Variants in TBC1D22A observed in about 807,000 individuals in gnomAD.
TBC1D22A encodes the protein putative GTPase activator.
TBC1D22A carries 38 observed loss-of-function variants against 60.2 expected under a neutral mutation model. The observed-to-expected ratio is 0.63, with a 90% CI of 0.49 to 0.83. TBC1D22A has a LOEUF of 0.83. Among genes scored for constraint, TBC1D22A ranks in the 40% least tolerant of loss-of-function variants. The pLI is 0.00. For missense variants in TBC1D22A, 628 were observed against 701.0 expected, an observed-to-expected ratio of 0.90 and a Z score of 1.18; for synonymous variants, 302 against 281.7, an observed-to-expected ratio of 1.07 and a Z score of -0.72.
intron 11 of TBC1D22A, among the ~76,000 whole-genome samples, chr22:47,099,872 G>C (rs1021038576): frequency 6.6e-6 from 1 of 152,118 alleles, no homozygotes; most frequent in Admixed American, 6.5e-5. Flanking sequence ...CTGTTTTCTC[G>C]TCTATAGAGA....
chr22:46,955,482 A>G (rs1052851060), intron 8 of TBC1D22A, among the ~76,000 whole-genome samples: 6 of 152,192 alleles, frequency 3.9e-5, no homozygotes, highest in Non-Finnish European at 8.8e-5. Flanking sequence ...AAAACAACCT[A>G]TGCTACTCAC....
At chr22:46,778,476 T>A (rs922571678) in intron 1 of TBC1D22A, among the ~76,000 whole-genome samples, 3 of 152,130 alleles carry the variant, frequency 2.0e-5, no homozygotes, top group African/African-American at 7.2e-5. Flanking sequence ...TTTTCAGCTT[T>A]TTGTTAAAAA....
chr22:47,013,083 T>C (rs1223231192), intron 10 of TBC1D22A, among the ~76,000 whole-genome samples: 1 of 152,228 alleles, frequency 6.6e-6, no homozygotes, highest in East Asian at 1.9e-4. Context: ...GAGCTGGACA[T>C]AGCACTTGCT....
intron 4 of TBC1D22A, among the ~76,000 whole-genome samples, chr22:46,874,789 G>C (rs1056160461): frequency 6.6e-6 from 1 of 151,940 alleles, no homozygotes; most frequent in African/African-American, 2.4e-5. Flanking sequence ...GCCCAGGCTG[G>C]TCTCGAATTC....
chr22:47,148,540 T>C (rs900603279), intron 12 of TBC1D22A, among the ~76,000 whole-genome samples: 3 of 152,092 alleles, frequency 2.0e-5, no homozygotes, highest in East Asian at 1.9e-4. Flanking sequence ...GTCCCCTCCC[T>C]GGAGTCCCTC....
intron 12 of TBC1D22A, among the ~76,000 whole-genome samples, chr22:47,140,377 G>A (rs1489031659): frequency 6.6e-6 from 1 of 151,948 alleles, no homozygotes; most frequent in African/African-American, 2.4e-5. Flanking sequence ...CGAGACCACA[G>A]TGAAACCCCG....
chr22:47,150,184 G>T (rs924266758), intron 12 of TBC1D22A, among the ~76,000 whole-genome samples: 1 of 152,140 alleles, frequency 6.6e-6, no homozygotes, highest in African/African-American at 2.4e-5. Context: ...CACTGTAAAC[G>T]CCCCTGAGAT....
Position 47,029,797 on chromosome 22 carries a change from G to A in TBC1D22A, c.1202-7274G>A, listed in dbSNP as rs78638302. Among the ~76,000 whole-genome samples the A allele has an allele frequency of 3.7e-4, 56 of 152,352 alleles. 1 individual carries two copies. Among genetic ancestry groups the A allele is most frequent in the East Asian group, 3.1e-3 (16 of 5,178 alleles). On this transcript the variant is annotated intron_variant, in intron 10 of 12. Transcript: ENST00000337137. ...TCTCCTGTTCCCTTCCAGCTCAGGC[G>A]CGCTGTCCCATCGGAGGCCTTGGTG...
In TBC1D22A at chr22:46,992,098, G is replaced by A. The variant is rs142048169; in HGVS notation, c.1126-5536G>A. 2.4e-3 allele frequency among the ~76,000 whole-genome samples: 366 copies of A among 152,346 alleles called. 1 individual carries two copies. Among genetic ancestry groups the A allele is most frequent in the African/African-American group, 8.3e-3 (347 of 41,580 alleles). On this transcript the variant is annotated intron_variant, in intron 9 of 12. Transcript: ENST00000337137. ...GTGAACAGAAGGGTCCTGTCTGCCT[G>A]TCCACTTTTCTCCCTGTCTGTGTCA...
intron 12 of TBC1D22A, among the ~76,000 whole-genome samples, chr22:47,113,783 C>T (rs114060989): frequency 6.6e-6 from 1 of 152,162 alleles, no homozygotes. Flanking sequence ...GCAGAAGTGT[C>T]ACTCCGGCCC....
At chr22:46,858,435 G>A (rs568011635) in intron 4 of TBC1D22A, among the ~76,000 whole-genome samples, 2 of 147,860 alleles carry the variant, frequency 1.4e-5, no homozygotes, top group Admixed American at 6.8e-5. Context: ...GCCCTGTGCC[G>A]GCAGGCTTTG....
intron 11 of TBC1D22A, among the ~76,000 whole-genome samples, chr22:47,104,405 C>A (rs1001522873): frequency 2.0e-5 from 3 of 151,612 alleles, no homozygotes; most frequent in African/African-American, 7.3e-5. Flanking sequence ...TTTAAAGATT[C>A]AATAGATGGC....
At chr22:46,877,116 C>A (rs1382432927) in intron 4 of TBC1D22A, among the ~76,000 whole-genome samples, 2 of 152,220 alleles carry the variant, frequency 1.3e-5, no homozygotes, top group Admixed American at 6.5e-5. Context: ...AGTGGACAGA[C>A]CCTGGTATTG....
chr22:47,135,436 A>G (rs991248076), intron 12 of TBC1D22A, among the ~76,000 whole-genome samples: 1 of 152,220 alleles, frequency 6.6e-6, no homozygotes, highest in East Asian at 1.9e-4. Context: ...AAGCACAAGC[A>G]CAGCCTGGGG....
chr22:47,035,221 T>A (rs981263378), intron 10 of TBC1D22A, among the ~76,000 whole-genome samples: 1 of 152,202 alleles, frequency 6.6e-6, no homozygotes, highest in Admixed American at 6.5e-5. Flanking sequence ...CCCGCCTGCC[T>A]CCGGGGCCTG....
intron 9 of TBC1D22A, among the ~76,000 whole-genome samples, chr22:46,978,201 A>T (rs2148149158): frequency 6.6e-6 from 1 of 152,338 alleles, no homozygotes; most frequent in African/African-American, 2.4e-5. Context: ...TGCCATTGAC[A>T]TGCCCAGGCC....
intron 8 of TBC1D22A, among the ~76,000 whole-genome samples, chr22:46,966,446 T>C (rs2073809653): frequency 6.6e-6 from 1 of 152,230 alleles, no homozygotes; most frequent in East Asian, 1.9e-4. Flanking sequence ...GTCCTCGCTT[T>C]TCTCCCCGTC....
At chr22:47,139,732 G>A (rs917364626) in intron 12 of TBC1D22A, among the ~76,000 whole-genome samples, 1 of 152,232 alleles carries the variant, frequency 6.6e-6, no homozygotes, top group Non-Finnish European at 1.5e-5. Context: ...TGCCCAGGGC[G>A]CCTGGGCTGA....
intron 4 of TBC1D22A, among the ~76,000 whole-genome samples, chr22:46,874,646 T>C (rs1172874743): frequency 7.4e-6 from 1 of 135,442 alleles, no homozygotes; most frequent in African/African-American, 2.7e-5. Flanking sequence ...CAGTCTTGGC[T>C]CACTGCAGCC....
Sources: gnomAD v4.1 joint callset for allele counts (sites outside exome capture counted in the v4.1 genomes callset) on GRCh38, gnomAD v4.1.1 for gene constraint, MANE v1.5 for transcripts, NCBI Gene and HGNC (gene_info 2026-07-23, HGNC 2026-07-21) for gene names.